Variants in HIVEP3 observed in about 807,000 individuals in gnomAD.
The protein encoded by HIVEP3 is HIVEP zinc finger 3.
Under a neutral mutation model 152.8 loss-of-function variants are expected in HIVEP3, and 49 were observed. The observed-to-expected ratio is 0.32, with a 90% CI of 0.26 to 0.41. HIVEP3 has a LOEUF of 0.41. Among genes scored for constraint, HIVEP3 ranks in the 10% least tolerant of loss-of-function variants. HIVEP3 has a pLI of 1.00. For missense variants in HIVEP3, 2,790 were observed against 3,103.3 expected (o/e 0.90, Z 2.40); for synonymous variants, 1,269 against 1,289.0 (o/e 0.98, Z 0.33).
chr1:41,765,362 T>C (rs1303280962), intron 1 of HIVEP3, among the ~76,000 whole-genome samples: 1 of 152,166 alleles, frequency 6.6e-6, no homozygotes, highest in East Asian at 1.9e-4. Context: ...GTCCCCATTA[T>C]CTACCCAGGC....
At chr1:41,692,197 G>A (rs1423191243) in intron 2 of HIVEP3, among the ~76,000 whole-genome samples, 1 of 152,198 alleles carries the variant, frequency 6.6e-6, no homozygotes, top group Non-Finnish European at 1.5e-5. Flanking sequence ...GGCTGAATGA[G>A]GCGACCTTCT....
At chr1:41,685,674 A>G (rs569054505) in intron 2 of HIVEP3, among the ~76,000 whole-genome samples, 7 of 152,358 alleles carry the variant, frequency 4.6e-5, no homozygotes, top group Admixed American at 4.6e-4. Flanking sequence ...TCTACCTTGA[A>G]TCCTTTTTGG....
chr1:41,678,185 C>G (rs1046183210), intron 2 of HIVEP3, among the ~76,000 whole-genome samples: 6 of 152,214 alleles, frequency 3.9e-5, no homozygotes, highest in Non-Finnish European at 8.8e-5. Flanking sequence ...GCGATCCCCA[C>G]AGCCTGTTCC....
At chr1:41,660,951 C>T (rs987518833) in intron 2 of HIVEP3, among the ~76,000 whole-genome samples, 10 of 152,262 alleles carry the variant, frequency 6.6e-5, no homozygotes, top group Non-Finnish European at 1.3e-4. Context: ...TTATTAATGA[C>T]CCCTTTTTTG....
intron 2 of HIVEP3, among the ~76,000 whole-genome samples, chr1:41,653,406 C>T (rs1183946897): frequency 6.6e-6 from 1 of 152,150 alleles, no homozygotes; most frequent in African/African-American, 2.4e-5. Context: ...CTGAGAACTC[C>T]TGCAGGATAA....
At chr1:41,806,308 A>C (rs911785514) in intron 1 of HIVEP3, among the ~76,000 whole-genome samples, 2 of 152,124 alleles carry the variant, frequency 1.3e-5, no homozygotes, top group Admixed American at 1.3e-4. Flanking sequence ...GATCAACCTG[A>C]CTACACAGCG....
intron 1 of HIVEP3, among the ~76,000 whole-genome samples, chr1:41,855,421 A>G (rs1357179292): frequency 6.6e-6 from 1 of 152,138 alleles, no homozygotes; most frequent in Non-Finnish European, 1.5e-5. Context: ...GGCAACCTAC[A>G]ACATGGGAGA....
intron 1 of HIVEP3, among the ~76,000 whole-genome samples, chr1:41,977,220 G>A (rs556366016): frequency 3.3e-5 from 5 of 152,266 alleles, no homozygotes; most frequent in Admixed American, 2.6e-4. Context: ...CAGACAAGGA[G>A]TTCAGGATAG....
chr1:41,890,983 G>T (rs1003424778), intron 1 of HIVEP3, among the ~76,000 whole-genome samples: 2 of 152,126 alleles, frequency 1.3e-5, no homozygotes, highest in Non-Finnish European at 2.9e-5. Context: ...TCCACCACAC[G>T]GGAGCCCTGA....
chr1:41,660,122 T>A (rs550257811), intron 2 of HIVEP3, among the ~76,000 whole-genome samples: 1 of 152,278 alleles, frequency 6.6e-6, no homozygotes, highest in East Asian at 1.9e-4. Flanking sequence ...TGTGGGTGTG[T>A]GCACGTGTAG....
At chr1:41,909,209 A>G (rs1378567271) in intron 1 of HIVEP3, among the ~76,000 whole-genome samples, 1 of 152,148 alleles carries the variant, frequency 6.6e-6, no homozygotes, top group East Asian at 1.9e-4. Flanking sequence ...AAACAAGGGG[A>G]AAAATAGTGT....
chr1:41,652,798 G>T (rs918937049), intron 2 of HIVEP3, among the ~76,000 whole-genome samples: 1 of 152,126 alleles, frequency 6.6e-6, no homozygotes, highest in East Asian at 1.9e-4. Flanking sequence ...CATGACAAAA[G>T]GGTTTTTGGT....
chr1:41,513,893 C>A, intron 7 of HIVEP3, 143 bp from the exon 8 acceptor site: 1 of 600,178 alleles, frequency 1.7e-6, no homozygotes, highest in Non-Finnish European at 2.7e-6. Context: ...GTTGGGACAA[C>A]CAAGAAACGT....
intron 1 of HIVEP3, among the ~76,000 whole-genome samples, chr1:42,012,428 T>TAAA (rs1238741063): frequency 7.8e-5 from 6 of 76,748 alleles, no homozygotes; most frequent in South Asian, 6.8e-4. Flanking sequence ...CTGGAGCCCT[T>TAAA]ATAAGAGGAA....
At chr1:41,548,958 G>C (rs1481173318) in intron 5 of HIVEP3, among the ~76,000 whole-genome samples, 1 of 152,038 alleles carries the variant, frequency 6.6e-6, no homozygotes, top group Non-Finnish European at 1.5e-5. Context: ...TGCCATGCTG[G>C]TTTGCTGCAC....
At chr1:41,636,675 T>G (rs1645278679) in intron 2 of HIVEP3, among the ~76,000 whole-genome samples, 1 of 152,096 alleles carries the variant, frequency 6.6e-6, no homozygotes, top group African/African-American at 2.4e-5. Flanking sequence ...GAAATAAAAA[T>G]GTCTAATAAA....
At chr1:41,677,966 G>T (rs148799552) in intron 2 of HIVEP3, among the ~76,000 whole-genome samples, 41 of 152,292 alleles carry the variant, frequency 2.7e-4, no homozygotes, top group African/African-American at 8.7e-4. Context: ...CAGCTAATGG[G>T]TTATTGGCTC....
At position 41,796,648 on chromosome 1, in the gene HIVEP3, A is replaced by G. The variant is rs142659195; in HGVS notation, c.-800-95653T>C. On this transcript the variant is annotated intron_variant, in intron 1 of 8. Coordinates refer to ENST00000372583, the MANE Select transcript of HIVEP3 (RefSeq NM_024503.5). ...CATCATTATCTTGAGCAGGTAATTT[A>G]CCTTGCCAGGCATCAGCATTTTTTA... Among the ~76,000 whole-genome samples the G allele has an allele frequency of 4.1e-3, 620 of 152,370 alleles. 3 individuals carry two copies. The highest frequency in any genetic ancestry group is 0.014 in the African/African-American group (592 of 41,588).
At chr1:41,751,356 T>C (rs1264015153) in intron 1 of HIVEP3, among the ~76,000 whole-genome samples, 1 of 112,244 alleles carries the variant, frequency 8.9e-6, no homozygotes, top group Non-Finnish European at 1.7e-5. Context: ...CATAATGGCA[T>C]GCAAGGGAAG....
Sources: gnomAD v4.1 joint callset for allele counts (sites outside exome capture counted in the v4.1 genomes callset) on GRCh38, gnomAD v4.1.1 for gene constraint, MANE v1.5 for transcripts, NCBI Gene and HGNC (gene_info 2026-07-23, HGNC 2026-07-21) for gene names.